The following NRG3 variants were observed in gnomAD, a reference collection of about 807,000 sequenced individuals.
The protein encoded by NRG3 is pro-neuregulin-3, membrane-bound isoform.
Under a neutral mutation model 66.9 loss-of-function variants are expected in NRG3, and 31 were observed. The ratio of observed to expected loss-of-function variants is 0.46; its 90% CI spans 0.35 to 0.63. The LOEUF (loss-of-function observed/expected upper bound fraction) is 0.63, where lower values mean the gene tolerates loss of function less well. Ranked by LOEUF, NRG3 falls within the 20% of genes least tolerant of loss-of-function variation. NRG3 has a pLI of 0.00. For synonymous variants in NRG3, 393 were observed against 359.4 expected, an observed-to-expected ratio of 1.09 and a Z score of -1.06; for missense variants, 910 against 878.9, an observed-to-expected ratio of 1.04 and a Z score of -0.45.
intron 1 of NRG3, among the ~76,000 whole-genome samples, chr10:82,269,134 C>G (rs916670285): frequency 6.6e-6 from 1 of 151,722 alleles, no homozygotes; most frequent in East Asian, 1.9e-4. Context: ...GCTCAGGAAT[C>G]CCTTCTTAAT....
At chr10:82,271,710 G>A (rs924120173) in intron 1 of NRG3, among the ~76,000 whole-genome samples, 1 of 152,020 alleles carries the variant, frequency 6.6e-6, no homozygotes, top group Non-Finnish European at 1.5e-5. Context: ...TAGAGTTTTG[G>A]TGCTGCTGTC....
Position 82,366,755 on chromosome 10 carries a change from G to A in NRG3, c.953+7887G>A, listed in dbSNP as rs1441461892. ...ACACTGAAAATTATAGATTTTACTT[G>A]TGGAAAATATATGATTCAAGAAAAA... On this transcript the variant is annotated intron_variant, in intron 2 of 8. Transcript: ENST00000372141. 3.3e-5 allele frequency among the ~76,000 whole-genome samples: 5 copies of A among 151,976 alleles called. No individual in the cohort carries two copies. In the East Asian group the frequency reaches 7.7e-4, roughly 23 times the overall value.
intron 2 of NRG3, among the ~76,000 whole-genome samples, chr10:82,731,327 A>G (rs2057890306): frequency 1.4e-5 from 2 of 147,754 alleles, no homozygotes; most frequent in Admixed American, 6.9e-5. Flanking sequence ...AGATCATGCC[A>G]CTGCACTCCA....
intron 2 of NRG3, among the ~76,000 whole-genome samples, chr10:82,587,112 C>T (rs1292720127): frequency 6.6e-6 from 1 of 152,058 alleles, no homozygotes; most frequent in African/African-American, 2.4e-5. Flanking sequence ...CTTATTCATG[C>T]TCATTGTCTC....
chr10:82,562,441 T>G (rs1418832898), intron 2 of NRG3, among the ~76,000 whole-genome samples: 3 of 152,228 alleles, frequency 2.0e-5, no homozygotes, highest in African/African-American at 4.8e-5. Context: ...CTGTAAATAC[T>G]GCATTCTAAT....
intron 3 of NRG3, among the ~76,000 whole-genome samples, chr10:82,783,462 T>C (rs899390764): frequency 4.6e-5 from 7 of 151,584 alleles, no homozygotes; most frequent in Non-Finnish European, 8.8e-5. Flanking sequence ...AAAACCCCAT[T>C]GTCTCAGCCC....
At chr10:82,951,716 G>A in intron 5 of NRG3, 145 bp downstream of exon 5, 1 of 651,766 alleles carries the variant, frequency 1.5e-6, no homozygotes, top group East Asian at 2.7e-5. Context: ...GGACATTTTT[G>A]TAAATTGTGG....
chr10:82,193,007 T>G, intron 1 of NRG3, among the ~76,000 whole-genome samples: 1 of 151,210 alleles, frequency 6.6e-6, no homozygotes, highest in Admixed American at 6.6e-5. Flanking sequence ...GTTTGTGAGG[T>G]GTGCTGGAAG....
chr10:82,749,492 T>C (rs2058775283), intron 3 of NRG3, among the ~76,000 whole-genome samples: 1 of 152,166 alleles, frequency 6.6e-6, no homozygotes, highest in African/African-American at 2.4e-5. Context: ...AGGGTTCTTA[T>C]CACTCCTATA....
At chr10:82,420,217 G>T (rs1293874334) in intron 2 of NRG3, among the ~76,000 whole-genome samples, 1 of 152,064 alleles carries the variant, frequency 6.6e-6, no homozygotes, top group Non-Finnish European at 1.5e-5. Context: ...GTAATGGAAG[G>T]AAACAATCCT....
intron 1 of NRG3, among the ~76,000 whole-genome samples, chr10:81,918,436 T>C (rs1845909922): frequency 6.6e-6 from 1 of 152,212 alleles, no homozygotes; most frequent in Non-Finnish European, 1.5e-5. Flanking sequence ...TTTGGATTTC[T>C]CAGATCAGGT....
intron 1 of NRG3, among the ~76,000 whole-genome samples, chr10:82,145,831 GT>G (rs150572325): frequency 1.1e-4 from 16 of 149,640 alleles, no homozygotes; most frequent in Middle Eastern, 3.5e-3. Flanking sequence ...TCCAGAGGCA[GT>G]TTTTTTTTTC....
At chr10:82,455,051 A>T (rs2091208087) in intron 2 of NRG3, among the ~76,000 whole-genome samples, 1 of 152,250 alleles carries the variant, frequency 6.6e-6, no homozygotes, top group South Asian at 2.1e-4. Flanking sequence ...CTGGAATTTG[A>T]ACCCTCAAAA....
intron 1 of NRG3, among the ~76,000 whole-genome samples, chr10:81,982,917 T>A (rs6584434): frequency 0.46 from 69,905 of 152,104 alleles, 20,263 homozygotes; most frequent in African/African-American, 0.79. Context: ...ATGATGAATT[T>A]TGACTTAGGA....
chr10:82,300,013 A>G (rs1309176947), intron 1 of NRG3, among the ~76,000 whole-genome samples: 9 of 152,148 alleles, frequency 5.9e-5, no homozygotes, highest in Non-Finnish European at 1.2e-4. Context: ...AAATGACAGG[A>G]GTACACGTGT....
intron 5 of NRG3, 55 bp from the exon 6 acceptor site, chr10:82,958,894 G>A (rs1269204096): frequency 6.7e-7 from 1 of 1,484,044 alleles, no homozygotes; most frequent in African/African-American, 1.4e-5. Flanking sequence ...GACCCTGAAA[G>A]TAGGAGTTGA....
chr10:82,534,623 C>A (rs974100597), intron 2 of NRG3, among the ~76,000 whole-genome samples: 1 of 151,928 alleles, frequency 6.6e-6, no homozygotes, highest in South Asian at 2.1e-4. Flanking sequence ...CCAAATCAAT[C>A]TTGAGAAAAA....
chr10:82,309,579 C>A (rs1210739974), intron 1 of NRG3, among the ~76,000 whole-genome samples: 1 of 152,116 alleles, frequency 6.6e-6, no homozygotes, highest in South Asian at 2.1e-4. Context: ...ACCACTTTCT[C>A]TATCCAAGCT....
chr10:82,866,241 G>T (rs1289353645), intron 4 of NRG3, among the ~76,000 whole-genome samples: 3 of 67,366 alleles, frequency 4.5e-5, no homozygotes, highest in Non-Finnish European at 8.1e-5. Context: ...ATTAAATTCA[G>T]ATTTTTTTCT....
Sources: allele counts gnomAD v4.1 joint callset (sites outside exome capture counted in the v4.1 genomes callset), GRCh38; gene constraint gnomAD v4.1.1; transcripts MANE v1.5; gene names NCBI Gene and HGNC (gene_info 2026-07-23, HGNC 2026-07-21).